The following SDK1 variants were observed in gnomAD, a reference collection of about 807,000 sequenced individuals.
SDK1 encodes the protein protein sidekick-1.
SDK1 carries 157 observed loss-of-function variants against 245.5 expected under a neutral mutation model. That is an observed-to-expected ratio of 0.64 (90% CI 0.56 to 0.73). The LOEUF (loss-of-function observed/expected upper bound fraction) is 0.73, where lower values mean the gene tolerates loss of function less well. Among genes scored for constraint, SDK1 ranks in the 30% least tolerant of loss-of-function variants. The pLI is 0.00. For synonymous variants in SDK1, 1,647 were observed against 1,278.5 expected (o/e 1.29, Z -6.15); for missense variants, 3,583 against 3,002.3 (o/e 1.19, Z -4.52).
chr7:4,139,077 C>G (rs1584262417), intron 28 of SDK1, among the ~76,000 whole-genome samples: 1 of 152,200 alleles, frequency 6.6e-6, no homozygotes, highest in African/African-American at 2.4e-5. Flanking sequence ...GGGGACGAGG[C>G]TAACAGGTTC....
At position 3,511,625 on chromosome 7, in the gene SDK1, C is replaced by G. The variant is rs535108499; in HGVS notation, c.299-107455C>G. Reference sequence around the variant, plus strand: ...TTCTAACCCTCTAGTTCAGTTTTTTCTGGGTGATTGTGTTAAGTGGTAGTA... The same window carrying G: ...TTCTAACCCTCTAGTTCAGTTTTTTGTGGGTGATTGTGTTAAGTGGTAGTA... On this transcript the variant is annotated intron_variant, in intron 1 of 44. Coordinates refer to ENST00000404826, the MANE Select transcript of SDK1 (RefSeq NM_152744.4). 5.9e-5 allele frequency among the ~76,000 whole-genome samples: 9 copies of G among 152,060 alleles called. No homozygotes were observed. The East Asian group carries it at 1.7e-3, about 29-fold the overall frequency.
chr7:3,718,718 C>T (rs1053557074), intron 4 of SDK1, among the ~76,000 whole-genome samples: 1 of 151,992 alleles, frequency 6.6e-6, no homozygotes, highest in South Asian at 2.1e-4. Context: ...AATGCTTTTT[C>T]CCCAAAGTTG....
chr7:3,982,697 G>T (rs1309280745), intron 13 of SDK1, among the ~76,000 whole-genome samples: 2 of 152,064 alleles, frequency 1.3e-5, no homozygotes, highest in African/African-American at 4.8e-5. Context: ...AAAATTAGCC[G>T]GGCTTGGTGG....
rs191533896 is a variant in SDK1 at position 3,638,219 on chromosome 7, C to T, written c.459-785C>T. On this transcript the variant is annotated intron_variant, in intron 2 of 44. Transcript: ENST00000404826. ...GATATTTAAAGCCCAGTTGGGGAGA[C>T]AGGTATCAGTGCGATAATCTCAGAA... 2.0e-3 allele frequency among the ~76,000 whole-genome samples: 310 copies of T among 152,220 alleles called. 4 individuals are homozygous for T. Among genetic ancestry groups the T allele is most frequent in the African/African-American group, 7.3e-3 (305 of 41,526 alleles).
intron 28 of SDK1, among the ~76,000 whole-genome samples, chr7:4,139,138 A>G (rs1315525587): frequency 1.3e-5 from 2 of 152,152 alleles, no homozygotes; most frequent in Non-Finnish European, 2.9e-5. Context: ...CCCTGCCTTG[A>G]TGCACACACG....
rs1176978282 is a variant in SDK1 at position 3,619,103 on chromosome 7, A to G, written c.322A>G (p.Thr108Ala). 3 of 1,606,998 alleles carry G rather than the reference A, an allele frequency of 1.9e-6. No individual in the cohort carries two copies. Among genetic ancestry groups the G allele is most frequent in the Non-Finnish European group, 1.7e-6 (2 of 1,175,086 alleles). ...AGATGATGTTGCTCCATATTTTAAA[A>G]CGGAGCCAGGCCTACCACAGATCCA... is the stretch of plus-strand genomic sequence containing the variant. ...AQDDVAPYFKTEPGLPQIHLE... is the reference protein window; with the variant it reads ...AQDDVAPYFKAEPGLPQIHLE... The change falls in exon 2 of 45, where the codon ACG becomes GCG. Residue 108 changes from threonine (T) to alanine (A), a missense_variant. Coordinates refer to ENST00000404826, the MANE Select transcript of SDK1 (RefSeq NM_152744.4).
intron 1 of SDK1, among the ~76,000 whole-genome samples, chr7:3,461,879 A>C (rs898519468): frequency 1.3e-5 from 2 of 152,052 alleles, no homozygotes. Flanking sequence ...AACATGTACT[A>C]TCAATTTATC....
chr7:3,358,152 G>C (rs909767060), intron 1 of SDK1, among the ~76,000 whole-genome samples: 8 of 152,074 alleles, frequency 5.3e-5, no homozygotes, highest in African/African-American at 1.7e-4. Flanking sequence ...TTCCTGAGTA[G>C]CTCAGACTAC....
At chr7:3,359,852 T>C (rs1457491167) in intron 1 of SDK1, among the ~76,000 whole-genome samples, 1 of 152,320 alleles carries the variant, frequency 6.6e-6, no homozygotes, top group African/African-American at 2.4e-5. Flanking sequence ...ACAGGAATTC[T>C]TACTGTACCT....
chr7:3,359,509 T>C (rs1416055079), intron 1 of SDK1, among the ~76,000 whole-genome samples: 2 of 152,146 alleles, frequency 1.3e-5, no homozygotes, highest in East Asian at 3.9e-4. Flanking sequence ...TTTTTAATTT[T>C]TTGATTGTCT....
At position 3,417,852 on chromosome 7, in the gene SDK1, A is replaced by G. The variant is rs547553823; in HGVS notation, c.298+115968A>G. Reference sequence around the variant, plus strand: ...CTGAAAGGCTTCTGTCCAGTTGGCAAGTGGAATTCATTGGATGTTTTACAA... The same window carrying G: ...CTGAAAGGCTTCTGTCCAGTTGGCAGGTGGAATTCATTGGATGTTTTACAA... On this transcript the variant is annotated intron_variant, in intron 1 of 44. Transcript: ENST00000404826. 3.4e-4 allele frequency among the ~76,000 whole-genome samples: 52 copies of G among 152,306 alleles called. No homozygotes were observed. The South Asian group carries it at 8.9e-3, about 26-fold the overall frequency.
At chr7:3,594,935 T>C (rs971014586) in intron 1 of SDK1, among the ~76,000 whole-genome samples, 1 of 152,244 alleles carries the variant, frequency 6.6e-6, no homozygotes, top group African/African-American at 2.4e-5. Context: ...GTATAGGGTT[T>C]ACTGTTTTTC....
intron 1 of SDK1, among the ~76,000 whole-genome samples, chr7:3,451,097 G>T (rs995101639): frequency 1.4e-4 from 21 of 152,140 alleles, no homozygotes; most frequent in African/African-American, 5.1e-4. Context: ...TTATAGGTTG[G>T]CTGCTAAGTG....
intron 38 of SDK1, among the ~76,000 whole-genome samples, chr7:4,212,498 C>T (rs1294299611): frequency 2.0e-5 from 3 of 152,120 alleles, no homozygotes; most frequent in Non-Finnish European, 2.9e-5. Flanking sequence ...GTTTTTGAAC[C>T]AGCAGAGAGG....
At chr7:4,073,641 G>A (rs1012401546) in intron 20 of SDK1, among the ~76,000 whole-genome samples, 3 of 152,148 alleles carry the variant, frequency 2.0e-5, no homozygotes, top group Non-Finnish European at 2.9e-5. Flanking sequence ...AGTAGACCCC[G>A]AGGATCAAAT....
intron 35 of SDK1, among the ~76,000 whole-genome samples, chr7:4,201,280 C>T (rs957072247): frequency 6.6e-6 from 1 of 152,188 alleles, no homozygotes; most frequent in Non-Finnish European, 1.5e-5. Context: ...GCAGAGTCAC[C>T]CAGAATGGAG....
At chr7:3,692,776 C>G (rs1167466640) in intron 4 of SDK1, among the ~76,000 whole-genome samples, 1 of 151,998 alleles carries the variant, frequency 6.6e-6, no homozygotes, top group African/African-American at 2.4e-5. Context: ...ATGAAACATT[C>G]CCCTGTATTC....
intron 2 of SDK1, among the ~76,000 whole-genome samples, chr7:3,633,492 C>A (rs73673657): frequency 6.6e-6 from 1 of 152,064 alleles, no homozygotes; most frequent in Non-Finnish European, 1.5e-5. Flanking sequence ...TTTAGTGGCT[C>A]ATACTCAAGA....
intron 1 of SDK1, among the ~76,000 whole-genome samples, chr7:3,363,185 A>G (rs1231168725): frequency 6.6e-6 from 1 of 152,208 alleles, no homozygotes; most frequent in Non-Finnish European, 1.5e-5. Flanking sequence ...CTCCATTTCT[A>G]TAAATTTATC....
Sources: allele counts gnomAD v4.1 joint callset (sites outside exome capture counted in the v4.1 genomes callset), GRCh38; gene constraint gnomAD v4.1.1; transcripts MANE v1.5; gene names NCBI Gene and HGNC (gene_info 2026-07-23, HGNC 2026-07-21).